Variants in PLEKHH1 observed in about 807,000 individuals in gnomAD.
PLEKHH1 encodes the protein pleckstrin homology, MyTH4 and FERM domain containing H1, also known as pleckstrin homology domain-containing family H member 1.
PLEKHH1 carries 104 observed loss-of-function variants against 160.0 expected under a neutral mutation model. The ratio of observed to expected loss-of-function variants is 0.65; its 90% CI spans 0.55 to 0.76. The LOEUF (loss-of-function observed/expected upper bound fraction) is 0.76. Among genes scored for constraint, PLEKHH1 ranks in the 30% least tolerant of loss-of-function variants. PLEKHH1 has a pLI of 0.00. For missense variants in PLEKHH1, 1,427 were observed against 1,724.1 expected, an observed-to-expected ratio of 0.83 and a Z score of 3.05; for synonymous variants, 619 against 678.4, an observed-to-expected ratio of 0.91 and a Z score of 1.36.
intron 1 of PLEKHH1, among the ~76,000 whole-genome samples, chr14:67,539,601 G>GGCT (rs933988213): frequency 6.6e-6 from 1 of 152,182 alleles, no homozygotes; most frequent in African/African-American, 2.4e-5. Flanking sequence ...CTTGTGCTAA[G>GGCT]GCTTCTGAAA....
chr14:67,557,187 C>T (rs1489645187), intron 3 of PLEKHH1, 82 bp from the exon 4 acceptor site: 16 of 1,156,988 alleles, frequency 1.4e-5, no homozygotes, highest in Non-Finnish European at 1.8e-5. Flanking sequence ...GGGCATCAGA[C>T]GGTGTCCCAT....
At chr14:67,556,179 G>C (rs1313581764) in intron 3 of PLEKHH1, among the ~76,000 whole-genome samples, 2 of 152,218 alleles carry the variant, frequency 1.3e-5, no homozygotes, top group Non-Finnish European at 2.9e-5. Context: ...TCCATTGAGG[G>C]TTAGCCAGTG....
At position 67,573,710 on chromosome 14, in the gene PLEKHH1, C is replaced by T; in HGVS notation, c.1840-91C>T. On this transcript the variant is annotated intron_variant, in intron 12 of 28. Coordinates refer to ENST00000329153, the MANE Select transcript of PLEKHH1 (RefSeq NM_020715.3). The surrounding 1 kb of genome is among the most constrained non-coding windows in gnomAD (Gnocchi z 4.8). The stretch of plus-strand genomic sequence containing the variant: ...ATGCTGGGAATCATGTTTCCCTTTG[C>T]TTATGACGTGGAGGAAGATCTGAGG... 1 of 858,976 alleles carries T rather than the reference C, an allele frequency of 1.2e-6. No individual in the cohort carries two copies. Among genetic ancestry groups the T allele is most frequent in the South Asian group, 1.4e-5 (1 of 73,612 alleles). 53.2% of individuals were successfully genotyped at this position (858,976 alleles called of 1,614,324 possible).
chr14:67,578,252 A>G lies in PLEKHH1; in HGVS notation c.2751+53A>G. ...ACAGAAGCCATTGGCAAGGGCTGCCAGGTGGGAAAGGTGGGAGGAGGTGAC... is the reference window on the plus strand; with the variant it reads ...ACAGAAGCCATTGGCAAGGGCTGCCGGGTGGGAAAGGTGGGAGGAGGTGAC... On this transcript the variant is annotated intron_variant, in intron 19 of 28. Coordinates refer to ENST00000329153, the MANE Select transcript of PLEKHH1 (RefSeq NM_020715.3). This position sits in a 1 kb window ranked among gnomAD's most constrained non-coding sequence, Gnocchi z 5.0. The G allele has an allele frequency of 6.7e-7, 1 of 1,482,280 alleles. No individual in the cohort carries two copies. Among genetic ancestry groups the G allele is most frequent in the South Asian group, 1.2e-5 (1 of 85,068 alleles). The allele number at this position is 1,482,280 out of a possible 1,614,324, so 91.8% of individuals were successfully genotyped here.
chr14:67,561,528 C>T (rs2034835494), intron 5 of PLEKHH1, among the ~76,000 whole-genome samples: 1 of 152,020 alleles, frequency 6.6e-6, no homozygotes, highest in African/African-American at 2.4e-5. Context: ...TGCACCACTG[C>T]ACTCCAGCCT....
Position 67,587,198 on chromosome 14 carries a change from C to T in PLEKHH1, c.4058C>T (p.Ser1353Phe). The T allele has an allele frequency of 6.2e-7, 1 of 1,613,930 alleles. No homozygotes were observed. Among genetic ancestry groups the T allele is most frequent in the Non-Finnish European group, 8.5e-7 (1 of 1,179,848 alleles). ...WELDGRQFFS[S>F]VSCATKGPTL... ...CTGGATGGACGACAGTTCTTTTCTT[C>T]TGTTTCCTGTGCTACCAAGGGGCCA... Residue 1353 changes from serine (S) to phenylalanine (F), a missense_variant, in exon 29 of 29, where the codon TCT (serine) becomes TTT (phenylalanine). By Grantham distance (155) the Ser-to-Phe change is radical. Around this residue, in one of 6 missense-constraint regions of PLEKHH1, gnomAD observed 96 missense variants for 97.6 expected, o/e 0.98. Coordinates refer to ENST00000329153, the MANE Select transcript of PLEKHH1 (RefSeq NM_020715.3).
chr14:67,534,185 G>T (rs2033600170), intron 1 of PLEKHH1, among the ~76,000 whole-genome samples: 1 of 152,164 alleles, frequency 6.6e-6, no homozygotes, highest in South Asian at 2.1e-4. Context: ...ACTGTGTATA[G>T]GGCTAGTACC....
At chr14:67,549,119 G>A (rs551141496) in intron 2 of PLEKHH1, among the ~76,000 whole-genome samples, 7 of 152,312 alleles carry the variant, frequency 4.6e-5, no homozygotes, top group Non-Finnish European at 1.0e-4. Context: ...AGGATGAGTT[G>A]GAAGTATGTT....
At chr14:67,537,240 A>C (rs1342210688) in intron 1 of PLEKHH1, among the ~76,000 whole-genome samples, 1 of 144,406 alleles carries the variant, frequency 6.9e-6, no homozygotes, top group Non-Finnish European at 1.5e-5. Flanking sequence ...GCTACTCAGG[A>C]GGCTGAGGCA....
At chr14:67,546,446 G>A (rs922419178) in intron 2 of PLEKHH1, among the ~76,000 whole-genome samples, 9 of 152,062 alleles carry the variant, frequency 5.9e-5, no homozygotes, top group Non-Finnish European at 8.8e-5. Context: ...TTGTTGCCCC[G>A]GCTGGAGTGC....
At chr14:67,535,116 G>A (rs2033651666) in intron 1 of PLEKHH1, among the ~76,000 whole-genome samples, 1 of 152,186 alleles carries the variant, frequency 6.6e-6, no homozygotes, top group South Asian at 2.1e-4. Flanking sequence ...TGTGTATGGT[G>A]GGCCACGATT....
At position 67,579,619 on chromosome 14, in the gene PLEKHH1, G is replaced by T. The variant is rs559886289; in HGVS notation, c.3028-102G>T. ...CAACTTGCTTTGGCCTTTTGTATTT[G>T]CCCTTGCTCCTTTCCACCTGCTGTA... On this transcript the variant is annotated intron_variant, in intron 21 of 28. Transcript: ENST00000329153. 220 of 1,157,452 alleles carry T rather than the reference G, an allele frequency of 1.9e-4. 1 individual carries two copies. The South Asian group carries it at 3.2e-3, about 17-fold the overall frequency. The allele number at this position is 1,157,452 out of a possible 1,614,324, so 71.7% of individuals were successfully genotyped here.
intron 2 of PLEKHH1, among the ~76,000 whole-genome samples, chr14:67,547,833 A>G (rs2034241353): frequency 6.6e-6 from 1 of 152,226 alleles, no homozygotes; most frequent in South Asian, 2.1e-4. Flanking sequence ...TTTTTTTAAA[A>G]AAGCAGAAAC....
At chr14:67,570,154 T>C in intron 9 of PLEKHH1, 142 bp downstream of exon 9, 1 of 714,416 alleles carries the variant, frequency 1.4e-6, no homozygotes, top group East Asian at 2.7e-5. Context: ...CACGTGTCAT[T>C]TTGTTTTATT....
Position 67,574,221 on chromosome 14 carries a change from C to T in PLEKHH1, c.1927-21C>T, listed in dbSNP as rs370381441. On this transcript the variant is annotated intron_variant, in intron 13 of 28. Coordinates refer to ENST00000329153, the MANE Select transcript of PLEKHH1 (RefSeq NM_020715.3). This position sits in a 1 kb window ranked among gnomAD's most constrained non-coding sequence, Gnocchi z 4.2. ...CATTCTCCCAGCGTGCTGCCCCACC[C>T]CCATATCTCGCCCTCCACAGCTCAT... is the stretch of plus-strand genomic sequence containing the variant. 7.0e-6 allele frequency: 11 copies of T among 1,569,134 alleles called. 1 individual carries two copies. In the African/African-American group the frequency reaches 1.5e-4, roughly 21 times the overall value.
Position 67,589,256 on chromosome 14 carries a change from G to C in PLEKHH1, c.*2021G>C. 2.6e-6 allele frequency: 2 copies of C among 768,510 alleles called. No homozygotes were observed. Among genetic ancestry groups the C allele is most frequent in the Non-Finnish European group, 3.2e-6 (2 of 631,758 alleles). 47.6% of individuals were successfully genotyped at this position (768,510 alleles called of 1,614,324 possible). A position where few individuals can be genotyped will look rare whatever the true frequency, so the allele number is the denominator to read the frequency against. ...ACCCTCTCTCCTCCCCAACCCTTCA[G>C]GAACCCTTTAGTTTATTAATCTTAT... On this transcript the variant is annotated 3_prime_UTR_variant, in exon 29 of 29. Transcript: ENST00000329153.
At chr14:67,545,850 G>A (rs2034154990) in intron 2 of PLEKHH1, among the ~76,000 whole-genome samples, 1 of 151,824 alleles carries the variant, frequency 6.6e-6, no homozygotes, top group African/African-American at 2.4e-5. Context: ...TTCAAAGACA[G>A]TACTAATTGT....
rs539977885 is a variant in PLEKHH1, at chr14:67,545,936, C to T, written c.126+3943C>T. ...GCATCTGATTTCAATTGAACAAAAG[C>T]TCTGCTGCTAAAAAAAAAAAAAAGT... On this transcript the variant is annotated intron_variant, in intron 2 of 28. Coordinates refer to ENST00000329153, the MANE Select transcript of PLEKHH1 (RefSeq NM_020715.3). 2.2e-4 allele frequency among the ~76,000 whole-genome samples: 33 copies of T among 150,744 alleles called. No individual in the cohort carries two copies. The South Asian group carries it at 6.5e-3, about 30-fold the overall frequency.
At chr14:67,579,992 C>T in intron 22 of PLEKHH1, 116 bp downstream of exon 22, 1 of 967,436 alleles carries the variant, frequency 1.0e-6, no homozygotes. Flanking sequence ...GTGCTGAGCC[C>T]AAGGTGCTGC....
Sources: allele counts gnomAD v4.1 joint callset (sites outside exome capture counted in the v4.1 genomes callset), GRCh38; gene constraint gnomAD v4.1.1; regional missense constraint gnomAD v4.1.1; non-coding constraint Gnocchi (gnomAD v3.1); transcripts MANE v1.5; gene names NCBI Gene and HGNC (gene_info 2026-07-23, HGNC 2026-07-21).